SLC35F4: variants seen among roughly 807,000 people sequenced by gnomAD.
SLC35F4 encodes solute carrier family 35 member F4.
SLC35F4 carries 24 observed loss-of-function variants against 44.2 expected under a neutral mutation model. The observed-to-expected ratio is 0.54, with a 90% CI of 0.39 to 0.76. The LOEUF (loss-of-function observed/expected upper bound fraction) is 0.76, where lower values mean the gene tolerates loss of function less well. SLC35F4 is among the 30% of genes least tolerant of loss of function. The pLI is 0.00. For synonymous variants in SLC35F4, 238 were observed against 223.6 expected (o/e 1.06, Z -0.57); for missense variants, 562 against 586.1 (o/e 0.96, Z 0.42).
At chr14:57,978,232 G>A (rs1881274179) in intron 1 of SLC35F4, among the ~76,000 whole-genome samples, 1 of 151,974 alleles carries the variant, frequency 6.6e-6, no homozygotes, top group Admixed American at 6.6e-5. Context: ...CCTGACACAG[G>A]GTCCTCTATA....
At chr14:57,888,118 A>C (rs1334477515) in intron 1 of SLC35F4, among the ~76,000 whole-genome samples, 1 of 152,146 alleles carries the variant, frequency 6.6e-6, no homozygotes, top group Admixed American at 6.6e-5. Flanking sequence ...CAGTATTATC[A>C]CCTGTTTTTA....
chr14:57,629,835 C>T (rs557025064), intron 1 of SLC35F4: 6 of 332,204 alleles, frequency 1.8e-5, no homozygotes, highest in African/African-American at 4.3e-5. Context: ...AGTGGAGGAT[C>T]GGCAGCCGGA....
intron 1 of SLC35F4, among the ~76,000 whole-genome samples, chr14:57,822,164 G>A (rs1399965097): frequency 6.6e-6 from 1 of 152,210 alleles, no homozygotes; most frequent in African/African-American, 2.4e-5. Flanking sequence ...GGGGACCTGA[G>A]AGACTTTACC....
intron 1 of SLC35F4, among the ~76,000 whole-genome samples, chr14:57,612,809 A>C (rs1196770607): frequency 6.6e-6 from 1 of 152,250 alleles, no homozygotes; most frequent in Non-Finnish European, 1.5e-5. Flanking sequence ...CAAGAGTAGC[A>C]ATACCATAAT....
At chr14:57,825,438 A>C (rs1400227719) in intron 1 of SLC35F4, among the ~76,000 whole-genome samples, 1 of 152,142 alleles carries the variant, frequency 6.6e-6, no homozygotes, top group Non-Finnish European at 1.5e-5. Context: ...TATGTCTTTC[A>C]AAAGGATCTC....
chr14:57,936,693 T>G (rs1463832020), intron 1 of SLC35F4, among the ~76,000 whole-genome samples: 1 of 150,804 alleles, frequency 6.6e-6, no homozygotes, highest in Non-Finnish European at 1.5e-5. Context: ...AATGCTTCCT[T>G]GGTTTGGAAA....
At chr14:57,631,405 T>C (rs2140129947) in intron 1 of SLC35F4, among the ~76,000 whole-genome samples, 1 of 152,200 alleles carries the variant, frequency 6.6e-6, no homozygotes, top group South Asian at 2.1e-4. Context: ...TATATAGTTA[T>C]TATAAAGTTT....
chr14:57,781,637 A>T lies in SLC35F4; in HGVS notation c.103+84086T>A, dbSNP rs193154874. On this transcript the variant is annotated intron_variant, in intron 1 of 7. Coordinates refer to ENST00000556826, the MANE Select transcript of SLC35F4 (RefSeq NM_001306087.2). Reference sequence around the variant, plus strand: ...ATATGTTCATTGTAGTATTATTCACAATAGCAAAGACATGAAATCAACCTA... The same window carrying T: ...ATATGTTCATTGTAGTATTATTCACTATAGCAAAGACATGAAATCAACCTA... Among the ~76,000 whole-genome samples, 5 of 152,342 alleles carry T rather than the reference A, an allele frequency of 3.3e-5. No individual in the cohort carries two copies. In the East Asian group the frequency reaches 9.6e-4, roughly 29 times the overall value.
At chr14:57,758,013 G>GTT (rs1439750887) in intron 1 of SLC35F4, among the ~76,000 whole-genome samples, 2 of 151,014 alleles carry the variant, frequency 1.3e-5, no homozygotes, top group Non-Finnish European at 3.0e-5. Flanking sequence ...GTGTGTGTGT[G>GTT]TGTGTGTGTG....
At chr14:57,747,360 T>C (rs1237585117) in intron 1 of SLC35F4, among the ~76,000 whole-genome samples, 1 of 152,190 alleles carries the variant, frequency 6.6e-6, no homozygotes, top group East Asian at 1.9e-4. Flanking sequence ...ACCTTTGCAA[T>C]AAACATAACC....
chr14:57,765,473 A>C (rs2077214671), intron 1 of SLC35F4, among the ~76,000 whole-genome samples: 1 of 152,256 alleles, frequency 6.6e-6, no homozygotes, highest in South Asian at 2.1e-4. Context: ...TTTAAAAACC[A>C]ATAAAAATGT....
rs1031646128 is a variant in SLC35F4, at chr14:57,623,089, T to C, written c.104-28965A>G. Among the ~76,000 whole-genome samples the C allele has an allele frequency of 3.9e-5, 6 of 151,978 alleles. 1 individual carries two copies. The highest frequency in any genetic ancestry group is 2.6e-4 in the Admixed American group (4 of 15,252). On this transcript the variant is annotated intron_variant, in intron 1 of 7. Transcript: ENST00000556826. ...ACCCATCTCACTTGCAAATCACACA[T>C]AGGCTCTAAAATAAGAGATGGAAGA...
rs1008383587 is a variant in SLC35F4 at position 57,628,060 on chromosome 14, T to C, written c.104-33936A>G. 2.6e-5 allele frequency among the ~76,000 whole-genome samples: 4 copies of C among 152,154 alleles called. No homozygotes were observed. In the East Asian group the frequency reaches 5.8e-4, roughly 22 times the overall value. On this transcript the variant is annotated intron_variant, in intron 1 of 7. Coordinates refer to ENST00000556826, the MANE Select transcript of SLC35F4 (RefSeq NM_001306087.2). ...TTTCCTAAAATGCTTGATTCTTATA[T>C]AGAATTCTTTCTTTATATCATTTCC... is the stretch of plus-strand genomic sequence containing the variant.
chr14:57,600,286 A>G (rs1003949577), intron 1 of SLC35F4, among the ~76,000 whole-genome samples: 3 of 152,250 alleles, frequency 2.0e-5, no homozygotes, highest in South Asian at 2.1e-4. Flanking sequence ...CTAAGATATT[A>G]TAATCACTAA....
Position 57,581,262 on chromosome 14 carries a change from G to A in SLC35F4, c.759C>T (p.Val253=). 6.2e-7 allele frequency: 1 copy of A among 1,608,854 alleles called. No homozygotes were observed. Among genetic ancestry groups the A allele is most frequent in the Non-Finnish European group, 8.5e-7 (1 of 1,178,006 alleles). The change falls in exon 4 of 8, where the codon GTC becomes GTT. Residue 253 remains valine (V), a synonymous_variant. Transcript: ENST00000556826. ...TCAGCACAATCCATGACAGCAAGAA[G>A]ACAAAGGCTTTGTTACAACAGAACA... The part of the protein sequence containing the change: ...SALFCCNKAF[V]FLLSWIVLKD...
chr14:57,733,894 A>G (rs1240838568), intron 1 of SLC35F4, among the ~76,000 whole-genome samples: 1 of 152,144 alleles, frequency 6.6e-6, no homozygotes, highest in East Asian at 1.9e-4. Context: ...CATGGCTTCC[A>G]TATGTATTTT....
chr14:57,787,504 G>A (rs1280866049), intron 1 of SLC35F4, among the ~76,000 whole-genome samples: 3 of 152,266 alleles, frequency 2.0e-5, no homozygotes, highest in East Asian at 1.9e-4. Context: ...TAAGAGCTGT[G>A]AGACAGAAGC....
chr14:57,582,824 G>A (rs1477018745), intron 3 of SLC35F4, among the ~76,000 whole-genome samples: 1 of 152,188 alleles, frequency 6.6e-6, no homozygotes, highest in Non-Finnish European at 1.5e-5. Context: ...TCTAGCCAAT[G>A]TTTGCCTCAC....
chr14:57,789,075 G>T (rs138184960), intron 1 of SLC35F4, among the ~76,000 whole-genome samples: 1,584 of 152,156 alleles, frequency 0.01, 24 homozygotes, highest in African/African-American at 0.036. Context: ...ATCTAAAATC[G>T]ACAACCTAAC....
Sources: allele counts gnomAD v4.1 joint callset (sites outside exome capture counted in the v4.1 genomes callset), GRCh38; gene constraint gnomAD v4.1.1; transcripts MANE v1.5; gene names NCBI Gene and HGNC (gene_info 2026-07-23, HGNC 2026-07-21).